Variants in CFAP206 observed in about 807,000 individuals in gnomAD.
CFAP206 encodes cilia and flagella associated protein 206.
CFAP206 carries 53 observed loss-of-function variants against 65.4 expected under a neutral mutation model. That is an observed-to-expected ratio of 0.81 (90% CI 0.65 to 1.02). The LOEUF (loss-of-function observed/expected upper bound fraction) is 1.02. Ranked by LOEUF, CFAP206 falls within the 50% of genes least tolerant of loss-of-function variation. CFAP206 has a pLI of 0.00. For synonymous variants in CFAP206, 250 were observed against 254.4 expected, an observed-to-expected ratio of 0.98 and a Z score of 0.17; for missense variants, 663 against 753.2, an observed-to-expected ratio of 0.88 and a Z score of 1.40.
chr6:87,462,096 A>C (rs550149718), intron 12 of CFAP206, among the ~76,000 whole-genome samples: 1 of 152,306 alleles, frequency 6.6e-6, no homozygotes, highest in East Asian at 1.9e-4. Flanking sequence ...AAGTTGGCTA[A>C]GTCTTCAACA....
intron 11 of CFAP206, among the ~76,000 whole-genome samples, chr6:87,454,018 C>A (rs563780900): frequency 6.6e-6 from 1 of 151,944 alleles, no homozygotes; most frequent in South Asian, 2.1e-4. Context: ...TAAAGACAAA[C>A]ATAGACTGAA....
intron 7 of CFAP206, 43 bp downstream of exon 7, chr6:87,418,459 A>G (rs372468223): frequency 4.2e-5 from 64 of 1,535,204 alleles, no homozygotes; most frequent in South Asian, 3.8e-4. Flanking sequence ...ATATAATGCA[A>G]TCTCTTTATA....
intron 11 of CFAP206, among the ~76,000 whole-genome samples, chr6:87,456,144 A>C (rs1018693753): frequency 5.9e-5 from 9 of 152,214 alleles, no homozygotes; most frequent in African/African-American, 2.2e-4. Flanking sequence ...CAACACATTA[A>C]AAAGGTCTTT....
chr6:87,456,998 A>T (rs1040384377), intron 11 of CFAP206, among the ~76,000 whole-genome samples: 1 of 151,958 alleles, frequency 6.6e-6, no homozygotes, highest in Non-Finnish European at 1.5e-5. Flanking sequence ...AAATACAAAA[A>T]AATTAGCCAC....
chr6:87,450,987 C>T lies in CFAP206; in HGVS notation c.1495-10035C>T, dbSNP rs112830370. ...GGCAGAATTCGGCCAGTGCCCATGG[C>T]GGGAGCATTTAGACCAGCCCTAGCC... On this transcript the variant is annotated intron_variant, in intron 11 of 12. Transcript: ENST00000369562. Among the ~76,000 whole-genome samples, 1,113 of 152,252 alleles carry T rather than the reference C, an allele frequency of 7.3e-3. 21 individuals carry two copies. The highest frequency in any genetic ancestry group is 0.025 in the African/African-American group (1,057 of 41,522).
chr6:87,411,768 A>G (rs971002823), intron 3 of CFAP206, among the ~76,000 whole-genome samples: 39 of 152,252 alleles, frequency 2.6e-4, no homozygotes, highest in African/African-American at 8.9e-4. Flanking sequence ...ATTGAATAGG[A>G]TGTCATTTCT....
At chr6:87,450,700 C>A (rs1048111118) in intron 11 of CFAP206, among the ~76,000 whole-genome samples, 1 of 151,934 alleles carries the variant, frequency 6.6e-6, no homozygotes, top group African/African-American at 2.4e-5. Flanking sequence ...AGCATCTACA[C>A]AAGAAAGTAC....
intron 11 of CFAP206, among the ~76,000 whole-genome samples, chr6:87,448,718 G>A (rs1253960680): frequency 6.6e-6 from 1 of 151,864 alleles, no homozygotes; most frequent in South Asian, 2.1e-4. Flanking sequence ...ATGATCTATG[G>A]GATCAACTTT....
intron 11 of CFAP206, among the ~76,000 whole-genome samples, chr6:87,439,050 G>C (rs1399872838): frequency 2.6e-5 from 4 of 151,962 alleles, no homozygotes; most frequent in Non-Finnish European, 5.9e-5. Flanking sequence ...TCTCTTCTTT[G>C]CCTTTTAGTT....
intron 11 of CFAP206, among the ~76,000 whole-genome samples, chr6:87,437,678 C>T (rs1768295989): frequency 6.6e-6 from 1 of 151,466 alleles, no homozygotes; most frequent in South Asian, 2.1e-4. Context: ...TTTTTTGAGA[C>T]AGAGGCTCAC....
chr6:87,431,311 T>A, intron 10 of CFAP206, 138 bp downstream of exon 10: 1 of 850,606 alleles, frequency 1.2e-6, no homozygotes, highest in Non-Finnish European at 1.8e-6. Flanking sequence ...ACAAAGATGA[T>A]CCAGACAAAG....
intron 7 of CFAP206, among the ~76,000 whole-genome samples, chr6:87,420,618 C>T (rs1582135444): frequency 6.6e-6 from 1 of 152,142 alleles, no homozygotes; most frequent in Non-Finnish European, 1.5e-5. Flanking sequence ...GTAAATAAGG[C>T]GGCATAGTGC....
chr6:87,416,020 G>A (rs1767825019), intron 5 of CFAP206, 146 bp downstream of exon 5: 2 of 618,312 alleles, frequency 3.2e-6, no homozygotes, highest in Non-Finnish European at 5.1e-6. Flanking sequence ...GAGTTAAAAT[G>A]TACCCAGTCT....
chr6:87,429,098 C>T (rs949887925), intron 9 of CFAP206, among the ~76,000 whole-genome samples: 5 of 151,954 alleles, frequency 3.3e-5, no homozygotes, highest in African/African-American at 9.7e-5. Flanking sequence ...TGGTGGTGGG[C>T]GCCTGTAATC....
At chr6:87,432,648 C>T (rs1022045567) in intron 10 of CFAP206, among the ~76,000 whole-genome samples, 1 of 152,136 alleles carries the variant, frequency 6.6e-6, no homozygotes, top group African/African-American at 2.4e-5. Flanking sequence ...AATCTCACAC[C>T]TTCTGTGGAC....
intron 11 of CFAP206, chr6:87,442,061 T>A (rs1445334497): frequency 4.9e-6 from 1 of 205,148 alleles, no homozygotes; most frequent in South Asian, 9.5e-5. Context: ...GTGAAAAGAC[T>A]TCCAGATTTT....
chr6:87,424,758 A>G (rs1273040724), intron 7 of CFAP206, among the ~76,000 whole-genome samples: 9 of 152,190 alleles, frequency 5.9e-5, no homozygotes. Flanking sequence ...AGAAAGTTAA[A>G]GTTTCCCAAG....
At position 87,426,515 on chromosome 6, in the gene CFAP206, T is replaced by G; in HGVS notation, c.841-11T>G. ...ATAAAAATATTAATGCAAATTATGT[T>G]GTTTTCACAGTCAGATATAATTACT... On this transcript the variant is annotated splice_polypyrimidine_tract_variant and intron_variant, in intron 7 of 12. Transcript: ENST00000369562. The G allele has an allele frequency of 6.4e-7, 1 of 1,555,150 alleles. No individual in the cohort carries two copies.
chr6:87,429,532 T>C (rs1768122087), intron 9 of CFAP206, among the ~76,000 whole-genome samples: 1 of 152,208 alleles, frequency 6.6e-6, no homozygotes, highest in Admixed American at 6.5e-5. Flanking sequence ...AACCAATAAA[T>C]GTTATCCCTG....
Sources: allele counts gnomAD v4.1 joint callset (sites outside exome capture counted in the v4.1 genomes callset), GRCh38; gene constraint gnomAD v4.1.1; transcripts MANE v1.5; gene names NCBI Gene and HGNC (gene_info 2026-07-23, HGNC 2026-07-21).